TRIM56: variants seen among roughly 807,000 people sequenced by gnomAD.
TRIM56 encodes the protein tripartite motif containing 56.
In TRIM56, 10 loss-of-function variants were observed where a neutral mutation model predicts 17.1. The observed-to-expected ratio is 0.58, with a 90% CI of 0.36 to 0.99. The LOEUF (loss-of-function observed/expected upper bound fraction) is 0.99, where lower values mean the gene tolerates loss of function less well. Among genes scored for constraint, TRIM56 ranks in the 50% least tolerant of loss-of-function variants. TRIM56 has a pLI of 0.01. For synonymous variants in TRIM56, 503 were observed against 473.5 expected (o/e 1.06, Z -0.81); for missense variants, 923 against 1,052.3 (o/e 0.88, Z 1.70).
At chr7:101,085,951 C>G (rs1183644545) in intron 1 of TRIM56, among the ~76,000 whole-genome samples, 1 of 152,212 alleles carries the variant, frequency 6.6e-6, no homozygotes, top group Non-Finnish European at 1.5e-5. Context: ...GGAGATAAGC[C>G]AAGGCCAAGT....
At position 101,094,094 on chromosome 7, in the gene TRIM56, A is replaced by G. The variant is rs1235067123; in HGVS notation, c.*4514A>G. 1 of 152,248 alleles carries G rather than the reference A, an allele frequency of 6.6e-6. No homozygotes were observed. 9.4% of individuals were successfully genotyped at this position (152,248 alleles called of 1,614,324 possible). A position where few individuals can be genotyped will look rare whatever the true frequency, so the allele number is the denominator to read the frequency against. ...GAGGCTGCTCTGTATATTACAGGCA[A>G]GAACTGGAAACTGTTCGGCTGCAGG... On this transcript the variant is annotated 3_prime_UTR_variant, in exon 3 of 3. Coordinates refer to ENST00000306085, the MANE Select transcript of TRIM56 (RefSeq NM_030961.3).
rs1256905457 is a variant in TRIM56, at chr7:101,088,838, G to A, written c.1526G>A (p.Arg509Gln). 3.1e-6 allele frequency: 5 copies of A among 1,613,748 alleles called. No homozygotes were observed. Among genetic ancestry groups the A allele is most frequent in the Non-Finnish European group, 4.2e-6 (5 of 1,180,042 alleles). ...TRMPGDKRSP[R>Q]ITGLCPFGPR... Reference sequence around the variant, plus strand: ...ATGCCTGGAGACAAGCGGTCCCCCCGGATCACCGGGCTCTGTCCCTTCGGT... The same window carrying A: ...ATGCCTGGAGACAAGCGGTCCCCCCAGATCACCGGGCTCTGTCCCTTCGGT... The change falls in exon 3 of 3, where the codon CGG becomes CAG. Residue 509 changes from arginine to glutamine, a missense_variant. Transcript: ENST00000306085.
At position 101,087,819 on chromosome 7, in the gene TRIM56, TCCC is replaced by T; in HGVS notation, c.509_511del (p.Pro170del). 4 of 1,604,884 alleles carry T rather than the reference TCCC, an allele frequency of 2.5e-6. No homozygotes were observed. The highest frequency in any genetic ancestry group is 2.5e-6 in the Non-Finnish European group (3 of 1,177,248). On this transcript the variant is annotated inframe_deletion, in exon 3 of 3. Transcript: ENST00000306085. ...CCCGGGAGCGCCAAGCGGCCCAGTG[TCCC>T]CAGCACCCCGGGGAGGCACTGCGCT...
In TRIM56 at chr7:101,088,706, G is replaced by C. The variant is rs1226886108; in HGVS notation, c.1394G>C (p.Gly465Ala). Residue 465 changes from glycine (G) to alanine (A), a missense_variant, in exon 3 of 3, where the codon GGC (glycine) becomes GCC (alanine). By Grantham distance (60) the Gly-to-Ala change is moderately conservative. Transcript: ENST00000306085. ...CCCAACAAGAAGAAAAAGTTCAAAG[G>C]CAGGCTCAAGTCAATTTCCCGGGAG... ...GRPNKKKKFK[G>A]RLKSISREPS... is the part of the protein sequence containing the mutation. 1 of 1,614,026 alleles carries C rather than the reference G, an allele frequency of 6.2e-7. No homozygotes were observed. Among genetic ancestry groups the C allele is most frequent in the Admixed American group, 1.7e-5 (1 of 60,014 alleles).
Position 101,091,693 on chromosome 7 carries a change from C to G in TRIM56, c.*2113C>G, listed in dbSNP as rs1227414982. On this transcript the variant is annotated 3_prime_UTR_variant, in exon 3 of 3. Coordinates refer to ENST00000306085, the MANE Select transcript of TRIM56 (RefSeq NM_030961.3). Reference sequence around the variant, plus strand: ...AGTGAGCTCAGATCGCACCATTGCACTCCAGCCTGGGTAACAAGAATGAAA... The same window carrying G: ...AGTGAGCTCAGATCGCACCATTGCAGTCCAGCCTGGGTAACAAGAATGAAA... 3 of 447,724 alleles carry G rather than the reference C, an allele frequency of 6.7e-6. No homozygotes were observed. The Admixed American group carries it at 7.4e-5, about 11-fold the overall frequency. 27.7% of individuals were successfully genotyped at this position (447,724 alleles called of 1,614,324 possible). A position where few individuals can be genotyped will look rare whatever the true frequency, so the allele number is the denominator to read the frequency against.
In TRIM56 at chr7:101,097,569, A is replaced by G. The variant is rs1398900910; in HGVS notation, c.*7989A>G. 2.0e-5 allele frequency: 3 copies of G among 152,380 alleles called. No individual in the cohort carries two copies. The highest frequency in any genetic ancestry group is 6.5e-5 in the Admixed American group (1 of 15,298). 9.4% of individuals were successfully genotyped at this position (152,380 alleles called of 1,614,324 possible). ...GGAGCAGTATACAAAGTACAGCAACATCAGACTAGATCTCACCTGAGGTGC... is the reference window on the plus strand; with the variant it reads ...GGAGCAGTATACAAAGTACAGCAACGTCAGACTAGATCTCACCTGAGGTGC... On this transcript the variant is annotated 3_prime_UTR_variant, in exon 3 of 3. Coordinates refer to ENST00000306085, the MANE Select transcript of TRIM56 (RefSeq NM_030961.3).
rs577392016 is a variant in TRIM56, at chr7:101,087,239, C to G, written c.-2+71C>G. 3.6e-6 allele frequency: 5 copies of G among 1,397,796 alleles called. No homozygotes were observed. The South Asian group carries it at 6.5e-5, about 18-fold the overall frequency. 86.6% of individuals were successfully genotyped at this position (1,397,796 alleles called of 1,614,324 possible). ...CCTGGGGATCCGTGGGGCTTGAGGA[C>G]GGGCGGTAGAAGCTAGAGGGTGAGC... On this transcript the variant is annotated intron_variant, in intron 2 of 2. Transcript: ENST00000306085.
rs975703432 is a variant in TRIM56, at chr7:101,087,047, C to T, written c.-123C>T. ...CCAACAAGTAGCACTGACATTTTTACGTTTGCTGGATGTACACACGGAAGT... is the reference window on the plus strand; with the variant it reads ...CCAACAAGTAGCACTGACATTTTTATGTTTGCTGGATGTACACACGGAAGT... On this transcript the variant is annotated 5_prime_UTR_variant, in exon 2 of 3. In the 5' UTR this introduces an upstream ATG that the reference lacks. Coordinates refer to ENST00000306085, the MANE Select transcript of TRIM56 (RefSeq NM_030961.3). 2.7e-5 allele frequency: 13 copies of T among 490,024 alleles called. No individual in the cohort carries two copies. Among genetic ancestry groups the T allele is most frequent in the African/African-American group, 9.7e-5 (5 of 51,744 alleles). The allele number at this position is 490,024 out of a possible 1,614,324, so 30.4% of individuals were successfully genotyped here.
At position 101,088,883 on chromosome 7, in the gene TRIM56, C is replaced by A; in HGVS notation, c.1571C>A (p.Ala524Glu). ...TTCGGTCCCCGGGAGATCCTGGTGGCGGATGAGCAGAACCGGGCACTGAAA... is the reference window on the plus strand; with the variant it reads ...TTCGGTCCCCGGGAGATCCTGGTGGAGGATGAGCAGAACCGGGCACTGAAA... ...CPFGPREILV[A>E]DEQNRALKRF... is the part of the protein sequence containing the mutation. The change falls in exon 3 of 3, where the codon GCG (alanine) becomes GAG (glutamate). Residue 524 changes from alanine to glutamate, a missense_variant. Physicochemically the swap from Ala to Glu is moderately radical, Grantham distance 107. Transcript: ENST00000306085. The A allele has an allele frequency of 6.2e-7, 1 of 1,613,826 alleles. No homozygotes were observed. The highest frequency in any genetic ancestry group is 1.1e-5 in the South Asian group (1 of 91,080).
rs527293336 is a variant in TRIM56 at position 101,097,102 on chromosome 7, C to A, written c.*7522C>A. The A allele has an allele frequency of 6.6e-6, 1 of 152,294 alleles. No individual in the cohort carries two copies. The highest frequency in any genetic ancestry group is 2.4e-5 in the African/African-American group (1 of 41,568). 9.4% of individuals were successfully genotyped at this position (152,294 alleles called of 1,614,324 possible). A position where few individuals can be genotyped will look rare whatever the true frequency, so the allele number is the denominator to read the frequency against. On this transcript the variant is annotated 3_prime_UTR_variant, in exon 3 of 3. Transcript: ENST00000306085. ...TATAAAGCAATGCCATATTCTAAAT[C>A]TGCAGAAATAAAATTCTAAGGGGCG...
rs957900707 is a variant in TRIM56 at position 101,088,200 on chromosome 7, G to A, written c.888G>A (p.Glu296=). Residue 296 remains glutamate, a synonymous_variant, in exon 3 of 3, where the codon GAG becomes GAA. Transcript: ENST00000306085. ...CTCGGGAGAGGCTGGCGGAGCTTGA[G>A]GGCCGGGAGCAGGTGGCCAGGGCCG... is the stretch of plus-strand genomic sequence containing the variant. ...EAARERLAEL[E]GREQVARAAA... is the part of the protein sequence containing the mutation. 12 of 1,476,022 alleles carry A rather than the reference G, an allele frequency of 8.1e-6. No individual in the cohort carries two copies. The African/African-American group carries it at 1.5e-4, about 19-fold the overall frequency. 91.4% of individuals were successfully genotyped at this position (1,476,022 alleles called of 1,614,324 possible). A position where few individuals can be genotyped will look rare whatever the true frequency, so the allele number is the denominator to read the frequency against.
Position 101,088,761 on chromosome 7 carries a change from C to A in TRIM56, c.1449C>A (p.Asp483Glu), listed in dbSNP as rs766966411. ...EPSPALGPNL[D>E]GSGLLPRPIF... ...GCCCAGCCCTGGGGCCGAATCTGGACGGCTCTGGCCTCCTCCCCAGACCCA... is the reference window on the plus strand; with the variant it reads ...GCCCAGCCCTGGGGCCGAATCTGGAAGGCTCTGGCCTCCTCCCCAGACCCA... Residue 483 changes from aspartate to glutamate, a missense_variant, in exon 3 of 3, where the codon GAC becomes GAA. Physicochemically the swap from Asp to Glu is conservative, Grantham distance 45. This residue lies in a region of TRIM56 where 643 missense variants were observed against 665.6 expected (regional missense o/e 0.97). Coordinates refer to ENST00000306085, the MANE Select transcript of TRIM56 (RefSeq NM_030961.3). 3.7e-6 allele frequency: 6 copies of A among 1,613,998 alleles called. No individual in the cohort carries two copies. Among genetic ancestry groups the A allele is most frequent in the Non-Finnish European group, 5.1e-6 (6 of 1,180,028 alleles).
Position 101,087,364 on chromosome 7 carries a change from T to C in TRIM56, c.52T>C (p.Phe18Leu), listed in dbSNP as rs1368400977. 6.2e-7 allele frequency: 1 copy of C among 1,613,064 alleles called. No individual in the cohort carries two copies. The highest frequency in any genetic ancestry group is 8.5e-7 in the Non-Finnish European group (1 of 1,180,030). The change falls in exon 3 of 3, where the codon TTC becomes CTC. Residue 18 changes from phenylalanine (F) to leucine (L), a missense_variant. Around this residue, in one of 3 missense-constraint regions of TRIM56, gnomAD observed 98 missense variants for 143.6 expected, o/e 0.68. Coordinates refer to ENST00000306085, the MANE Select transcript of TRIM56 (RefSeq NM_030961.3). ...CCTCCTGGAGGCCCTGAGCAGCGAC[T>C]TCCTGGCCTGTAAAATCTGCCTGGA... The part of the protein sequence containing the change: ...PSLLEALSSD[F>L]LACKICLEQL...
chr7:101,088,003 G>T lies in TRIM56; in HGVS notation c.691G>T (p.Glu231Ter). The T allele has an allele frequency of 6.3e-7, 1 of 1,581,976 alleles. No individual in the cohort carries two copies. Among genetic ancestry groups the T allele is most frequent in the Non-Finnish European group, 8.5e-7 (1 of 1,170,930 alleles). Reference protein sequence around the residue: ...AGVDNNLVELEAARRVEKEAL... With the variant: ...AGVDNNLVEL ...TGTGGACAATAACCTGGTGGAGCTG[G>T]AGGCAGCGCGGAGGGTGGAGAAGGA... Residue 231 changes from glutamate (E) to a stop codon, truncating the protein, a stop_gained, in exon 3 of 3, where the codon GAG becomes TAG. Coordinates refer to ENST00000306085, the MANE Select transcript of TRIM56 (RefSeq NM_030961.3). LOFTEE classifies it low-confidence loss of function (END_TRUNC).
In TRIM56 at chr7:101,089,113, G is replaced by T. The variant is rs1467557376; in HGVS notation, c.1801G>T (p.Asp601Tyr). 2 of 1,604,896 alleles carry T rather than the reference G, an allele frequency of 1.2e-6. No homozygotes were observed. The change falls in exon 3 of 3, where the codon GAC becomes TAC. Residue 601 changes from aspartate (D) to tyrosine (Y), a missense_variant. This residue lies in a region of TRIM56 where 182 missense variants were observed against 243.1 expected (regional missense o/e 0.75). Transcript: ENST00000306085. ...CGCGGTGGCGGCACTGCCTAGCGGG[G>T]ACCGCGTGGCTGTCAGCGTGGCGGG... ...SHAVAALPSG[D>Y]RVAVSVAGHV...
Position 101,087,469 on chromosome 7 carries a change from C to T in TRIM56, c.157C>T (p.Arg53Cys), listed in dbSNP as rs369575632. 1.7e-5 allele frequency: 27 copies of T among 1,613,390 alleles called. No individual in the cohort carries two copies. The highest frequency in any genetic ancestry group is 4.5e-5 in the East Asian group (2 of 44,874). Residue 53 changes from arginine (R) to cysteine (C), a missense_variant, in exon 3 of 3, where the codon CGC becomes TGC. Arg to Cys is a radical substitution (Grantham distance 180). Transcript: ENST00000306085. ...DCLAQLADGGRVRCPECRETV... is the reference protein window; with the variant it reads ...DCLAQLADGGCVRCPECRETV... ...CCTGGCACAGCTGGCGGATGGCGGC[C>T]GCGTCCGCTGCCCCGAGTGCCGCGA... is the stretch of plus-strand genomic sequence containing the variant.
rs529166999 is a variant in TRIM56 at position 101,090,170 on chromosome 7, G to C, written c.*590G>C. 24 of 167,326 alleles carry C rather than the reference G, an allele frequency of 1.4e-4. No individual in the cohort carries two copies. The highest frequency in any genetic ancestry group is 5.3e-4 in the African/African-American group (22 of 41,568). 10.4% of individuals were successfully genotyped at this position (167,326 alleles called of 1,614,324 possible). A position where few individuals can be genotyped will look rare whatever the true frequency, so the allele number is the denominator to read the frequency against. ...GGTAGTACAGGGTGAGCTTGCAGGAGGGTCTGCAAGTGCAGACAGCAGCTG... is the reference window on the plus strand; with the variant it reads ...GGTAGTACAGGGTGAGCTTGCAGGACGGTCTGCAAGTGCAGACAGCAGCTG... On this transcript the variant is annotated 3_prime_UTR_variant, in exon 3 of 3. Coordinates refer to ENST00000306085, the MANE Select transcript of TRIM56 (RefSeq NM_030961.3).
At position 101,095,744 on chromosome 7, in the gene TRIM56, GC is replaced by G; in HGVS notation, c.*6165del. 6.6e-6 allele frequency: 1 copy of G among 152,352 alleles called. No individual in the cohort carries two copies. Among genetic ancestry groups the G allele is most frequent in the South Asian group, 2.1e-4 (1 of 4,828 alleles). The allele number at this position is 152,352 out of a possible 1,614,324, so 9.4% of individuals were successfully genotyped here. The stretch of plus-strand genomic sequence containing the variant: ...TTTTCTTCGTAAAGAGGTGAGGGGG[GC>G]GAGAGCAGCAAAGGACACTGGAAAA... On this transcript the variant is annotated 3_prime_UTR_variant, in exon 3 of 3. Coordinates refer to ENST00000306085, the MANE Select transcript of TRIM56 (RefSeq NM_030961.3).
rs1246392919 is a variant in TRIM56 at position 101,091,489 on chromosome 7, G to A, written c.*1909G>A. The stretch of plus-strand genomic sequence containing the variant: ...AGCCTGTAATCCCAGCACTCTGGGA[G>A]GCTGGGGTGGGTGGATCACTCAAGG... On this transcript the variant is annotated 3_prime_UTR_variant, in exon 3 of 3. Coordinates refer to ENST00000306085, the MANE Select transcript of TRIM56 (RefSeq NM_030961.3). 7.4e-6 allele frequency: 2 copies of A among 268,482 alleles called. No individual in the cohort carries two copies. The highest frequency in any genetic ancestry group is 1.5e-5 in the Non-Finnish European group (2 of 134,510). 16.6% of individuals were successfully genotyped at this position (268,482 alleles called of 1,614,324 possible). A position where few individuals can be genotyped will look rare whatever the true frequency, so the allele number is the denominator to read the frequency against.
Sources: gnomAD v4.1 joint callset for allele counts (sites outside exome capture counted in the v4.1 genomes callset) on GRCh38, gnomAD v4.1.1 for gene constraint, gnomAD v4.1.1 regional missense constraint, MANE v1.5 for transcripts, NCBI Gene and HGNC (gene_info 2026-07-23, HGNC 2026-07-21) for gene names.